Variants in PRICKLE2 observed in about 807,000 individuals in gnomAD.
The protein encoded by PRICKLE2 is prickle planar cell polarity protein 2, also known as prickle-like protein 2.
A neutral mutation model predicts 81.4 loss-of-function variants in PRICKLE2; 21 were observed. The observed-to-expected ratio is 0.26, with a 90% CI of 0.18 to 0.37. The LOEUF is 0.37. PRICKLE2 is among the 10% of genes least tolerant of loss of function. The probability of loss-of-function intolerance (pLI) is 1.00; values close to 1 mark genes in which losing one functional copy is unlikely to be tolerated. For missense variants in PRICKLE2, 940 were observed against 1,109.0 expected, an observed-to-expected ratio of 0.85 and a Z score of 2.16; for synonymous variants, 456 against 421.5, an observed-to-expected ratio of 1.08 and a Z score of -1.00.
At chr3:64,162,125 C>T (rs59443691) in intron 3 of PRICKLE2, among the ~76,000 whole-genome samples, 21,147 of 151,992 alleles carry the variant, frequency 0.14, 1,526 homozygotes, top group East Asian at 0.21. Flanking sequence ...TCCCCTGGGA[C>T]GGAGCTGCTG....
intron 2 of PRICKLE2, among the ~76,000 whole-genome samples, chr3:64,233,785 C>T (rs1371618815): frequency 6.6e-6 from 1 of 152,136 alleles, no homozygotes; most frequent in Non-Finnish European, 1.5e-5. Context: ...AACTTTAAAA[C>T]TTTCTTCAAT....
intron 2 of PRICKLE2, among the ~76,000 whole-genome samples, chr3:64,184,227 A>C (rs2078182842): frequency 6.6e-6 from 1 of 152,238 alleles, no homozygotes; most frequent in Non-Finnish European, 1.5e-5. Context: ...GGTACTGATT[A>C]AGTGCTCTAT....
At position 64,098,990 on chromosome 3, in the gene PRICKLE2, G is replaced by T. The variant is rs1231534203; in HGVS notation, c.*61C>A. On this transcript the variant is annotated 3_prime_UTR_variant, in exon 8 of 8. Transcript: ENST00000638394. ...AAAGCGCTTTAACATTTAAAACAGT[G>T]CAAGTTTCTGACTTTACATTCTTAG... 1.3e-6 allele frequency: 2 copies of T among 1,599,002 alleles called. No homozygotes were observed. The highest frequency in any genetic ancestry group is 2.7e-5 in the African/African-American group (2 of 74,554).
intron 3 of PRICKLE2, among the ~76,000 whole-genome samples, chr3:64,160,830 G>A (rs1010191351): frequency 2.0e-5 from 3 of 152,120 alleles, no homozygotes; most frequent in African/African-American, 7.2e-5. Flanking sequence ...CTATATTCTT[G>A]CACTGTTATT....
chr3:64,267,838 C>T (rs1253321179), intron 2 of PRICKLE2: 2 of 152,226 alleles, frequency 1.3e-5, no homozygotes, highest in Non-Finnish European at 2.9e-5. Flanking sequence ...CTCCTGAAAC[C>T]AGGAGCAAAC....
At chr3:64,110,219 T>C (rs1559513230) in intron 7 of PRICKLE2, among the ~76,000 whole-genome samples, 1 of 152,226 alleles carries the variant, frequency 6.6e-6, no homozygotes, top group South Asian at 2.1e-4. Context: ...ACTGACCCCA[T>C]GCTGCTTTCT....
intron 2 of PRICKLE2, among the ~76,000 whole-genome samples, chr3:64,233,115 C>T (rs762761465): frequency 6.6e-6 from 1 of 152,168 alleles, no homozygotes; most frequent in African/African-American, 2.4e-5. Flanking sequence ...TTTTCCAGCC[C>T]TTGGCAAATC....
intron 7 of PRICKLE2, among the ~76,000 whole-genome samples, chr3:64,105,085 T>C (rs1458691712): frequency 6.6e-6 from 1 of 152,130 alleles, no homozygotes; most frequent in African/African-American, 2.4e-5. Context: ...CATTCCTCCC[T>C]GTCTCCCCAA....
At chr3:64,119,749 A>T (rs777154875) in intron 7 of PRICKLE2, among the ~76,000 whole-genome samples, 4 of 152,244 alleles carry the variant, frequency 2.6e-5, no homozygotes, top group Non-Finnish European at 4.4e-5. Flanking sequence ...AAAAAGACAC[A>T]TGCACTCATA....
intron 1 of PRICKLE2, among the ~76,000 whole-genome samples, chr3:64,215,165 A>C (rs1409995589): frequency 6.6e-6 from 1 of 152,130 alleles, no homozygotes; most frequent in Non-Finnish European, 1.5e-5. Flanking sequence ...CATAGCCTAC[A>C]AGACCCTATA....
At chr3:64,217,391 C>T (rs766506610) in intron 1 of PRICKLE2, among the ~76,000 whole-genome samples, 5 of 152,134 alleles carry the variant, frequency 3.3e-5, no homozygotes, top group Non-Finnish European at 7.3e-5. Context: ...GGATATACTG[C>T]ATAGTGATGA....
intron 2 of PRICKLE2, among the ~76,000 whole-genome samples, chr3:64,186,865 C>T (rs1187874351): frequency 6.6e-6 from 1 of 152,174 alleles, no homozygotes; most frequent in African/African-American, 2.4e-5. Flanking sequence ...CTTGATACTA[C>T]ATTAACTCTC....
intron 2 of PRICKLE2, among the ~76,000 whole-genome samples, chr3:64,184,936 G>T (rs6802554): frequency 6.6e-6 from 1 of 152,118 alleles, no homozygotes; most frequent in African/African-American, 2.4e-5. Flanking sequence ...CTCAACACAC[G>T]TAGAATTGCC....
rs113874095 is a variant in PRICKLE2 at position 64,105,095 on chromosome 3, A to G, written c.1661-5170T>C. On this transcript the variant is annotated intron_variant, in intron 7 of 7. Transcript: ENST00000638394. ...GCTTACATTCCTCCCTGTCTCCCCA[A>G]ACACAACAATAAGCTTATTCCAGCA... Among the ~76,000 whole-genome samples the G allele has an allele frequency of 2.1e-3, 321 of 152,210 alleles. 1 individual carries two copies. The highest frequency in any genetic ancestry group is 7.4e-3 in the African/African-American group (308 of 41,544).
chr3:64,157,966 G>A (rs1386474687), intron 4 of PRICKLE2, among the ~76,000 whole-genome samples: 1 of 152,208 alleles, frequency 6.6e-6, no homozygotes, highest in Non-Finnish European at 1.5e-5. Flanking sequence ...ACTATGGAAA[G>A]GGTTTCTTCC....
At chr3:64,230,990 C>A (rs959733930) in intron 2 of PRICKLE2, among the ~76,000 whole-genome samples, 1 of 152,124 alleles carries the variant, frequency 6.6e-6, no homozygotes, top group Non-Finnish European at 1.5e-5. Flanking sequence ...TGTGAAGATT[C>A]CATATCATAA....
At chr3:64,141,691 A>T in intron 7 of PRICKLE2, 2 of 459,932 alleles carry the variant, frequency 4.3e-6, no homozygotes, top group Non-Finnish European at 2.9e-6. Flanking sequence ...TTCTAAACAC[A>T]TTGGGAGAGG....
upstream of PRICKLE2, among the ~76,000 whole-genome samples, chr3:64,225,904 TTC>T (rs2079025275): frequency 6.6e-6 from 1 of 151,944 alleles, no homozygotes; most frequent in African/African-American, 2.4e-5. Context: ...TTTCTTTCTC[TTC>T]TCTCTTCAAC....
chr3:64,211,725 C>T (rs1458503053), intron 1 of PRICKLE2, among the ~76,000 whole-genome samples: 5 of 152,132 alleles, frequency 3.3e-5, no homozygotes, highest in Admixed American at 6.5e-5. Flanking sequence ...GTTGGTACTG[C>T]GACTCTTTTG....
Sources: gnomAD v4.1 joint callset for allele counts (sites outside exome capture counted in the v4.1 genomes callset) on GRCh38, gnomAD v4.1.1 for gene constraint, MANE v1.5 for transcripts, NCBI Gene and HGNC (gene_info 2026-07-23, HGNC 2026-07-21) for gene names.